The following CEP63 variants were observed in gnomAD, a reference collection of about 807,000 sequenced individuals.
The protein encoded by CEP63 is centrosomal protein of 63 kDa.
Under a neutral mutation model 89.1 loss-of-function variants are expected in CEP63, and 84 were observed. The observed-to-expected ratio is 0.94, with a 90% confidence interval of 0.79 to 1.13. The LOEUF (loss-of-function observed/expected upper bound fraction) is 1.13. Among genes scored for constraint, CEP63 ranks in the 50% most tolerant of loss-of-function variants. The pLI, the probability that CEP63 is intolerant of heterozygous loss-of-function variation, is 0.00. For synonymous variants in CEP63, 267 were observed against 272.5 expected (o/e 0.98, Z 0.20); for missense variants, 838 against 813.3 (o/e 1.03, Z -0.37).
At chr3:134,559,002 G>T in intron 13 of CEP63, 148 bp from the exon 14 acceptor site, 4 of 746,052 alleles carry the variant, frequency 5.4e-6, no homozygotes, top group South Asian at 3.7e-5. Context: ...ATGAATGAAA[G>T]AAATCTCTTT....
At chr3:134,703,139 CA>C in the CEP63 span, among the ~76,000 whole-genome samples, 1 of 151,444 alleles carries the variant, frequency 6.6e-6, no homozygotes, top group Non-Finnish European at 1.5e-5. Flanking sequence ...ACTAAAAATA[CA>C]AAAAAATTAG....
the CEP63 span, among the ~76,000 whole-genome samples, chr3:134,759,889 T>C: frequency 6.6e-6 from 1 of 152,336 alleles, no homozygotes; most frequent in South Asian, 2.1e-4. Flanking sequence ...AGATGTTTGC[T>C]CTTCTTATCC....
At chr3:134,781,898 C>G in the CEP63 span, among the ~76,000 whole-genome samples, 1 of 152,116 alleles carries the variant, frequency 6.6e-6, no homozygotes, top group African/African-American at 2.4e-5. Flanking sequence ...TTATGTCTTA[C>G]AGCGCTAGCT....
the CEP63 span, among the ~76,000 whole-genome samples, chr3:134,729,667 T>C: frequency 1.3e-5 from 2 of 152,240 alleles, no homozygotes; most frequent in Admixed American, 1.3e-4. Flanking sequence ...TTACTTTTAA[T>C]AGTCCCATTT....
chr3:134,555,237 A>G (rs1329597151), intron 12 of CEP63, among the ~76,000 whole-genome samples: 1 of 151,880 alleles, frequency 6.6e-6, no homozygotes, highest in Non-Finnish European at 1.5e-5. Flanking sequence ...CTCTCTCATC[A>G]CTCCTATTCA....
the CEP63 span, among the ~76,000 whole-genome samples, chr3:134,682,056 T>C: frequency 6.6e-6 from 1 of 152,170 alleles, no homozygotes. Flanking sequence ...AGCAACCATT[T>C]GAGAGCTCAG....
In CEP63 at chr3:134,546,151, T is replaced by A. The variant is rs1007226280; in HGVS notation, c.792T>A (p.Ala264=). The change falls in exon 8 of 15, where the codon GCT becomes GCA. Residue 264 remains alanine (A), a splice_region_variant and synonymous_variant. Coordinates refer to ENST00000675561, the MANE Select transcript of CEP63 (RefSeq NM_001353108.3). ...AATCATATTTGACTTTTTTGCAGGC[T>A]CTGCAGGAAGAAAAGAGAGAATTGA... ...KLRESEKLLE[A]LQEEKRELKA... 32 of 1,613,744 alleles carry A rather than the reference T, an allele frequency of 2.0e-5. No individual in the cohort carries two copies. The highest frequency in any genetic ancestry group is 2.7e-5 in the Non-Finnish European group (32 of 1,179,904).
chr3:134,708,727 C>T, the CEP63 span, among the ~76,000 whole-genome samples: 1 of 152,140 alleles, frequency 6.6e-6, no homozygotes, highest in African/African-American at 2.4e-5. Flanking sequence ...TTCCTGCCCC[C>T]TTTTGCCCCC....
At chr3:134,753,848 C>G in the CEP63 span, among the ~76,000 whole-genome samples, 12 of 151,956 alleles carry the variant, frequency 7.9e-5, no homozygotes, top group Non-Finnish European at 1.6e-4. Flanking sequence ...CACTCCTGAC[C>G]GTTTTGCAAT....
At chr3:134,541,263 A>G (rs572481536) in intron 6 of CEP63, among the ~76,000 whole-genome samples, 2 of 152,196 alleles carry the variant, frequency 1.3e-5, no homozygotes, top group East Asian at 3.9e-4. Context: ...AATTCTATCA[A>G]TTTTTTGTTC....
chr3:134,508,971 C>CTT (rs34900338), intron 3 of CEP63, among the ~76,000 whole-genome samples: 242 of 142,342 alleles, frequency 1.7e-3, no homozygotes, highest in Middle Eastern at 7.3e-3. Context: ...TTCTTTCTTG[C>CTT]TTTTTTTTTT....
At chr3:134,502,908 G>A (rs1452964420) in intron 2 of CEP63, among the ~76,000 whole-genome samples, 3 of 151,982 alleles carry the variant, frequency 2.0e-5, no homozygotes, top group Admixed American at 6.5e-5. Context: ...AGATCTTAAT[G>A]TAGGTGTTTA....
intron 9 of CEP63, among the ~76,000 whole-genome samples, chr3:134,547,999 G>A (rs1355545328): frequency 1.3e-5 from 2 of 152,074 alleles, no homozygotes; most frequent in East Asian, 1.9e-4. Flanking sequence ...GCCCATACCT[G>A]TGCCTTTCTG....
chr3:134,539,204 AT>A (rs2109318032), intron 6 of CEP63, among the ~76,000 whole-genome samples: 1 of 152,318 alleles, frequency 6.6e-6, no homozygotes, highest in East Asian at 1.9e-4. Flanking sequence ...AGTAGCATTA[AT>A]AGTTGTCATC....
chr3:134,546,069 T>C, intron 7 of CEP63, 80 bp from the exon 8 acceptor site: 10 of 1,482,558 alleles, frequency 6.7e-6, no homozygotes, highest in Non-Finnish European at 9.2e-6. Context: ...AATAGCTGGC[T>C]TAGAAATTTC....
chr3:134,506,230 C>A (rs1943419847), intron 2 of CEP63, among the ~76,000 whole-genome samples: 2 of 152,132 alleles, frequency 1.3e-5, no homozygotes, highest in Admixed American at 1.3e-4. Flanking sequence ...CCTGAAATGC[C>A]AGGACATCAG....
At chr3:134,548,956 A>G (rs1358394651) in intron 9 of CEP63, 106 bp from the exon 10 acceptor site, 6 of 726,110 alleles carry the variant, frequency 8.3e-6, no homozygotes, top group East Asian at 7.9e-5. Flanking sequence ...GATGTTTAAG[A>G]TATTGGCTGG....
At chr3:134,647,671 CA>C in the CEP63 span, among the ~76,000 whole-genome samples, 1 of 152,104 alleles carries the variant, frequency 6.6e-6, no homozygotes, top group Non-Finnish European at 1.5e-5. Flanking sequence ...TCTCAAAATT[CA>C]AAACATTTAA....
chr3:134,581,820 C>T lies in CEP63; in HGVS notation c.1207-5638C>T, dbSNP rs552288515. Among the ~76,000 whole-genome samples the T allele has an allele frequency of 7.5e-3, 1,113 of 149,222 alleles. 8 individuals carry two copies. Among genetic ancestry groups the T allele is most frequent in the South Asian group, 0.016 (72 of 4,626 alleles). The stretch of plus-strand genomic sequence containing the variant: ...CCTCCCGAGTAGCTGGGACTACAGG[C>T]GCCCGCTACCACGCCCGGCTAATTT... On this transcript the variant is annotated intron_variant, in intron 10 of 10. Coordinates refer to the CEP63 transcript ENST00000683931.
Sources: gnomAD v4.1 joint callset for allele counts (sites outside exome capture counted in the v4.1 genomes callset) on GRCh38, gnomAD v4.1.1 for gene constraint, MANE v1.5 for transcripts, NCBI Gene and HGNC (gene_info 2026-07-23, HGNC 2026-07-21) for gene names.